COMMD10: variants seen among roughly 807,000 people sequenced by gnomAD.
COMMD10 encodes COMM domain-containing protein 10.
In COMMD10, 33 loss-of-function variants were observed where a neutral mutation model predicts 28.9. The ratio of observed to expected loss-of-function variants is 1.14; its 90% CI spans 0.87 to 1.53. The LOEUF (loss-of-function observed/expected upper bound fraction) is 1.53, where lower values mean the gene tolerates loss of function less well. Ranked by LOEUF, COMMD10 falls within the 40% of genes most tolerant of loss-of-function variation. The probability of loss-of-function intolerance (pLI) is 0.00; values close to 1 mark genes in which losing one functional copy is unlikely to be tolerated. For synonymous variants in COMMD10, 110 were observed against 81.7 expected (o/e 1.35, Z -1.87); for missense variants, 310 against 233.4 (o/e 1.33, Z -2.14).
chr5:116,226,977 A>T (rs1395328702), intron 5 of COMMD10, among the ~76,000 whole-genome samples: 1 of 152,004 alleles, frequency 6.6e-6, no homozygotes, highest in Non-Finnish European at 1.5e-5. Context: ...ATATTATTTT[A>T]TGCCCCAGGC....
intron 5 of COMMD10, among the ~76,000 whole-genome samples, chr5:116,151,574 GT>G (rs1248679799): frequency 6.6e-6 from 1 of 152,106 alleles, no homozygotes; most frequent in Non-Finnish European, 1.5e-5. Flanking sequence ...CTTCTTCCTG[GT>G]TTAATCTTGG....
At chr5:116,121,319 T>C (rs998090448) in intron 4 of COMMD10, among the ~76,000 whole-genome samples, 1 of 152,226 alleles carries the variant, frequency 6.6e-6, no homozygotes, top group Non-Finnish European at 1.5e-5. Flanking sequence ...ACTAATCCTT[T>C]TTTATGGCTG....
intron 4 of COMMD10, among the ~76,000 whole-genome samples, chr5:116,120,558 C>T (rs1751396968): frequency 6.6e-6 from 1 of 152,084 alleles, no homozygotes; most frequent in African/African-American, 2.4e-5. Flanking sequence ...TCAAAAGTTT[C>T]ATTTTCCTTT....
At position 116,202,379 on chromosome 5, in the gene COMMD10, A is replaced by G. The variant is rs1328331640; in HGVS notation, c.510+68201A>G. On this transcript the variant is annotated intron_variant, in intron 5 of 6. Transcript: ENST00000274458. ...ATGTGTCTTTATAGCAGCATGATTT[A>G]TAGTCCTTTGGGTATATACCCAGTA... is the stretch of plus-strand genomic sequence containing the variant. Among the ~76,000 whole-genome samples, 6 of 152,082 alleles carry G rather than the reference A, an allele frequency of 3.9e-5. No individual in the cohort carries two copies. The South Asian group carries it at 1.2e-3, about 32-fold the overall frequency.
At chr5:116,198,108 G>T (rs1210798562) in intron 5 of COMMD10, among the ~76,000 whole-genome samples, 3 of 151,968 alleles carry the variant, frequency 2.0e-5, no homozygotes, top group African/African-American at 7.3e-5. Flanking sequence ...ATAGCCTTAA[G>T]TTATACTCAG....
intron 5 of COMMD10, among the ~76,000 whole-genome samples, chr5:116,190,014 A>G (rs781191120): frequency 6.6e-6 from 1 of 152,184 alleles, no homozygotes; most frequent in Non-Finnish European, 1.5e-5. Flanking sequence ...GAGGTGATGT[A>G]TGTGACCTAT....
intron 5 of COMMD10, among the ~76,000 whole-genome samples, chr5:116,155,306 CTT>C (rs1752670902): frequency 6.6e-6 from 1 of 151,992 alleles, no homozygotes; most frequent in Non-Finnish European, 1.5e-5. Flanking sequence ...TAACTGATGA[CTT>C]GGGTTGTTTG....
intron 5 of COMMD10, among the ~76,000 whole-genome samples, chr5:116,150,019 G>T (rs1752468780): frequency 6.6e-6 from 1 of 152,090 alleles, no homozygotes; most frequent in Non-Finnish European, 1.5e-5. Flanking sequence ...AATCCATCTT[G>T]AATTAATTTT....
chr5:116,222,364 A>G (rs1045987521), intron 5 of COMMD10, among the ~76,000 whole-genome samples: 3 of 152,168 alleles, frequency 2.0e-5, no homozygotes, highest in Admixed American at 1.3e-4. Flanking sequence ...AAAAACATGG[A>G]ATCTTTTTAG....
chr5:116,150,140 C>T (rs1561632208), intron 5 of COMMD10, among the ~76,000 whole-genome samples: 4 of 152,086 alleles, frequency 2.6e-5, no homozygotes, highest in African/African-American at 7.2e-5. Flanking sequence ...TTGTTTTTGT[C>T]AGGTTTGTCA....
chr5:116,091,004 A>G (rs1750277173), intron 2 of COMMD10, 75 bp from the exon 3 acceptor site: 3 of 825,322 alleles, frequency 3.6e-6, no homozygotes, highest in Non-Finnish European at 5.8e-6. Context: ...ATACGAATAA[A>G]TGAATCTTCT....
chr5:116,255,442 G>T (rs151073990), intron 5 of COMMD10, among the ~76,000 whole-genome samples: 2 of 151,730 alleles, frequency 1.3e-5, no homozygotes, highest in African/African-American at 2.4e-5. Context: ...GGTACTGGTT[G>T]TTCCTTTCCG....
intron 5 of COMMD10, among the ~76,000 whole-genome samples, chr5:116,285,069 T>C (rs994599510): frequency 4.6e-5 from 7 of 151,884 alleles, no homozygotes; most frequent in Non-Finnish European, 8.8e-5. Flanking sequence ...ACTTCCTAGT[T>C]ATAGTCCTAA....
intron 5 of COMMD10, among the ~76,000 whole-genome samples, chr5:116,274,862 G>C (rs991065232): frequency 1.3e-5 from 2 of 151,630 alleles, no homozygotes; most frequent in Admixed American, 1.3e-4. Flanking sequence ...TGTTACTATA[G>C]CTCTAATTTC....
intron 4 of COMMD10, among the ~76,000 whole-genome samples, chr5:116,119,839 C>G (rs10463676): frequency 0.51 from 76,929 of 151,966 alleles, 22,110 homozygotes; most frequent in Non-Finnish European, 0.65. Context: ...TGGTCTTGAA[C>G]TCTTGGCCTC....
chr5:116,218,711 T>C (rs1419652372), intron 5 of COMMD10, among the ~76,000 whole-genome samples: 1 of 152,072 alleles, frequency 6.6e-6, no homozygotes, highest in Non-Finnish European at 1.5e-5. Context: ...TGAGGCAGAA[T>C]AGAAGAAAGA....
chr5:116,193,455 T>A (rs940228226), intron 5 of COMMD10, among the ~76,000 whole-genome samples: 1 of 152,060 alleles, frequency 6.6e-6, no homozygotes, highest in Non-Finnish European at 1.5e-5. Flanking sequence ...AGGACTCACA[T>A]AAACTGAAAG....
intron 5 of COMMD10, among the ~76,000 whole-genome samples, chr5:116,193,815 T>A (rs1748435293): frequency 6.6e-6 from 1 of 152,182 alleles, no homozygotes. Flanking sequence ...ACAAATGGAC[T>A]TAGCAGATAC....
intron 5 of COMMD10, among the ~76,000 whole-genome samples, chr5:116,198,236 A>G (rs1219814959): frequency 2.0e-5 from 3 of 152,158 alleles, no homozygotes; most frequent in Non-Finnish European, 4.4e-5. Flanking sequence ...ATAGGTGTTC[A>G]CCTTTAGCAG....
Sources: gnomAD v4.1 joint callset for allele counts (sites outside exome capture counted in the v4.1 genomes callset) on GRCh38, gnomAD v4.1.1 for gene constraint, MANE v1.5 for transcripts, NCBI Gene and HGNC (gene_info 2026-07-23, HGNC 2026-07-21) for gene names.